Variants in PCDHA3 observed in about 807,000 individuals in gnomAD.
PCDHA3 encodes protocadherin alpha 3.
A neutral mutation model predicts 62.2 loss-of-function variants in PCDHA3; 41 were observed. That is an observed-to-expected ratio of 0.66 (90% CI 0.51 to 0.86). The LOEUF (loss-of-function observed/expected upper bound fraction) is 0.86. PCDHA3 is among the 40% of genes least tolerant of loss of function. The pLI, the probability that PCDHA3 is intolerant of heterozygous loss-of-function variation, is 0.00. For missense variants in PCDHA3, 1,304 were observed against 1,241.2 expected (o/e 1.05, Z -0.76); for synonymous variants, 640 against 555.4 (o/e 1.15, Z -2.14).
intron 1 of PCDHA3, among the ~76,000 whole-genome samples, chr5:140,945,853 A>G (rs782332952): frequency 6.6e-6 from 1 of 152,190 alleles, no homozygotes; most frequent in Non-Finnish European, 1.5e-5. Flanking sequence ...AAAGACTTAA[A>G]CATAGACCTG....
chr5:140,904,742 T>G (rs1300439121), intron 1 of PCDHA3, among the ~76,000 whole-genome samples: 1 of 152,216 alleles, frequency 6.6e-6, no homozygotes, highest in African/African-American at 2.4e-5. Context: ...TTTTTTATTA[T>G]GACCATTTTT....
intron 1 of PCDHA3, chr5:140,967,330 C>G: frequency 6.2e-7 from 1 of 1,608,074 alleles, no homozygotes; most frequent in South Asian, 1.1e-5. Context: ...ACGAGCTCAG[C>G]CCCAGCGAGC....
chr5:140,887,787 C>T (rs782343895), intron 1 of PCDHA3, among the ~76,000 whole-genome samples: 8 of 152,080 alleles, frequency 5.3e-5, no homozygotes, highest in African/African-American at 9.7e-5. Flanking sequence ...GTCATTGAAG[C>T]GTTCTTTATT....
intron 1 of PCDHA3, chr5:140,823,140 G>T (rs2150122762): frequency 1.2e-6 from 2 of 1,614,000 alleles, no homozygotes; most frequent in South Asian, 2.2e-5. Context: ...CGGCGTTCGC[G>T]CAGCCCCAGT....
intron 1 of PCDHA3, among the ~76,000 whole-genome samples, chr5:140,951,473 C>G (rs1009151700): frequency 1.3e-5 from 2 of 151,880 alleles, no homozygotes; most frequent in Non-Finnish European, 2.9e-5. Context: ...TTCTGGGGAG[C>G]CTTCAAGAAT....
chr5:140,849,977 G>T (rs2150461190), intron 1 of PCDHA3: 15 of 1,597,540 alleles, frequency 9.4e-6, no homozygotes, highest in East Asian at 4.5e-5. Context: ...CCTACTCGCT[G>T]GTGGAGCGGC....
chr5:140,829,590 G>A, intron 1 of PCDHA3: 1 of 1,612,072 alleles, frequency 6.2e-7, no homozygotes, highest in Non-Finnish European at 8.5e-7. Context: ...CGGCGGGTGG[G>A]CGAGCGCGCG....
At position 140,802,367 on chromosome 5, in the gene PCDHA3, G is replaced by A. The variant is rs782105993; in HGVS notation, c.1170G>A (p.Thr390=). The A allele has an allele frequency of 6.8e-6, 11 of 1,614,224 alleles. No individual in the cohort carries two copies. The South Asian group carries it at 9.9e-5, about 15-fold the overall frequency. Residue 390 remains threonine (T), a synonymous_variant, in exon 1 of 4, where the codon ACG becomes ACA. Transcript: ENST00000522353. ...GVNGQVTCSL[T]PHVPFKLVST... is the part of the protein sequence containing the mutation. Reference sequence around the variant, plus strand: ...ATGGACAGGTCACCTGCTCGCTGACGCCCCACGTCCCCTTCAAGCTGGTGT... The same window carrying A: ...ATGGACAGGTCACCTGCTCGCTGACACCCCACGTCCCCTTCAAGCTGGTGT...
At chr5:140,871,521 CA>C in intron 1 of PCDHA3, 1 of 1,553,236 alleles carries the variant, frequency 6.4e-7, no homozygotes, top group Non-Finnish European at 8.7e-7. Context: ...TTCCACCTAT[CA>C]GGAAGTGTAT....
chr5:140,805,047 C>T (rs782694082), intron 1 of PCDHA3: 13 of 1,590,074 alleles, frequency 8.2e-6, no homozygotes, highest in Non-Finnish European at 1.1e-5. Flanking sequence ...AGCCAAAGTA[C>T]TTGTCTTCCC....
chr5:140,844,872 C>G (rs925437719), intron 1 of PCDHA3, among the ~76,000 whole-genome samples: 1 of 148,974 alleles, frequency 6.7e-6, no homozygotes, highest in Non-Finnish European at 1.5e-5. Flanking sequence ...TATTAAATAC[C>G]CATTAGACTT....
intron 1 of PCDHA3, among the ~76,000 whole-genome samples, chr5:140,939,502 T>A (rs781895675): frequency 2.7e-5 from 4 of 150,818 alleles, no homozygotes; most frequent in Non-Finnish European, 5.9e-5. Flanking sequence ...AAATTCAATG[T>A]CTATAACATT....
rs2150499672 is a variant in PCDHA3 at position 140,850,819 on chromosome 5, G to A, written c.2394+47228G>A. 1.0e-5 allele frequency: 16 copies of A among 1,598,272 alleles called. No individual in the cohort carries two copies. In the African/African-American group the frequency reaches 1.7e-4, roughly 17 times the overall value. On this transcript the variant is annotated intron_variant, in intron 1 of 3. Transcript: ENST00000522353. ...ACCGACCTCATGGCCTTCAGCCCGGGCCTTTCTCCTTGTGCTGGATCTACA... is the reference window on the plus strand; with the variant it reads ...ACCGACCTCATGGCCTTCAGCCCGGACCTTTCTCCTTGTGCTGGATCTACA...
At chr5:140,864,058 A>C (rs993804326) in intron 1 of PCDHA3, 3 of 152,692 alleles carry the variant, frequency 2.0e-5, no homozygotes, top group Non-Finnish European at 1.5e-5. Context: ...TACAGTCACC[A>C]TGAACATTCT....
Position 140,802,342 on chromosome 5 carries a change from A to G in PCDHA3, c.1145A>G (p.Asn382Ser). ...GTGTCCGACCGCGACTCAGGAGTCA[A>G]TGGACAGGTCACCTGCTCGCTGACG... ...ISVSDRDSGVNGQVTCSLTPH... is the reference protein window; with the variant it reads ...ISVSDRDSGVSGQVTCSLTPH... The change falls in exon 1 of 4, where the codon AAT (asparagine) becomes AGT (serine). Residue 382 changes from asparagine (N) to serine (S), a missense_variant. By Grantham distance (46) the Asn-to-Ser change is conservative. Transcript: ENST00000522353. The G allele has an allele frequency of 1.9e-6, 3 of 1,614,260 alleles. No individual in the cohort carries two copies. Among genetic ancestry groups the G allele is most frequent in the Non-Finnish European group, 2.5e-6 (3 of 1,180,052 alleles).
chr5:140,886,102 G>A (rs1040004596), intron 1 of PCDHA3, among the ~76,000 whole-genome samples: 17 of 152,136 alleles, frequency 1.1e-4, no homozygotes, highest in Admixed American at 1.3e-4. Flanking sequence ...CATTGATACA[G>A]TAAAGAAGTA....
intron 1 of PCDHA3, 166 bp from the exon 2 acceptor site, chr5:140,978,783 A>G: frequency 1.0e-6 from 1 of 972,136 alleles, no homozygotes. Context: ...TTTCTTCTAA[A>G]GTGCTATATA....
intron 1 of PCDHA3, chr5:140,835,111 A>G: frequency 2.3e-6 from 3 of 1,290,786 alleles, no homozygotes; most frequent in Middle Eastern, 2.7e-4. Flanking sequence ...CCAGTGTTCG[A>G]CAGAACCCTG....
chr5:141,009,330 G>A (rs1355837607), intron 3 of PCDHA3, among the ~76,000 whole-genome samples: 2 of 152,192 alleles, frequency 1.3e-5, no homozygotes, highest in African/African-American at 2.4e-5. Context: ...ATGGGAGCTT[G>A]TGCCTGTAGT....
Sources: allele counts gnomAD v4.1 joint callset (sites outside exome capture counted in the v4.1 genomes callset), GRCh38; gene constraint gnomAD v4.1.1; transcripts MANE v1.5; gene names NCBI Gene and HGNC (gene_info 2026-07-23, HGNC 2026-07-21).